Variants in KTN1 observed in about 807,000 individuals in gnomAD.
KTN1 encodes kinectin.
Under a neutral mutation model 222.5 loss-of-function variants are expected in KTN1, and 130 were observed. The observed-to-expected ratio is 0.58, with a 90% CI of 0.51 to 0.68. KTN1 has a LOEUF of 0.68. Ranked by LOEUF, KTN1 falls within the 30% of genes least tolerant of loss-of-function variation. The pLI is 0.00. For synonymous variants in KTN1, 512 were observed against 496.3 expected, an observed-to-expected ratio of 1.03 and a Z score of -0.42; for missense variants, 1,508 against 1,500.4, an observed-to-expected ratio of 1.01 and a Z score of -0.08.
At chr14:55,679,307 A>G (rs2046163824) in intron 42 of KTN1, 4 of 348,402 alleles carry the variant, frequency 1.1e-5, no homozygotes, top group Non-Finnish European at 1.0e-5. Context: ...TCTGATATTC[A>G]TAGATTCTAG....
At chr14:55,663,740 A>T in intron 32 of KTN1, 1 of 474,380 alleles carries the variant, frequency 2.1e-6, no homozygotes. Flanking sequence ...GGCCTATTTG[A>T]TATATATACT....
chr14:55,588,278 C>T (rs1048382038), intron 1 of KTN1, among the ~76,000 whole-genome samples: 1 of 152,082 alleles, frequency 6.6e-6, no homozygotes, highest in African/African-American at 2.4e-5. Flanking sequence ...TTTATTGATA[C>T]CATAAGTTTA....
rs759288485 is a variant in KTN1 at position 55,612,581 on chromosome 14, T to A, written c.523+10T>A. 1 of 1,543,498 alleles carries A rather than the reference T, an allele frequency of 6.5e-7. No individual in the cohort carries two copies. Among genetic ancestry groups the A allele is most frequent in the South Asian group, 1.3e-5 (1 of 78,210 alleles). ...TCTAAAAATGGAAGCGGTATTGTAA[T>A]CTATTTAATCTATTTAATTTTATTG... On this transcript the variant is annotated intron_variant, in intron 2 of 43. Coordinates refer to ENST00000395314, the MANE Select transcript of KTN1 (RefSeq NM_001079521.2).
At chr14:55,631,025 GA>G (rs2040442588) in intron 7 of KTN1, among the ~76,000 whole-genome samples, 1 of 152,062 alleles carries the variant, frequency 6.6e-6, no homozygotes, top group Non-Finnish European at 1.5e-5. Context: ...TCTTCTGTCA[GA>G]AGGCTCAGTT....
chr14:55,675,904 G>A lies in KTN1; in HGVS notation c.3841G>A (p.Gly1281Ser), dbSNP rs1429996270. ...ACAAAATGAAAGACAGAAGGTAGCT[G>A]GTGATTTGCATAAGGTAGGCACTGT... is the stretch of plus-strand genomic sequence containing the variant. ...TEQNERQKVAGDLHKAQQSLE... is the reference protein window; with the variant it reads ...TEQNERQKVASDLHKAQQSLE... Residue 1281 changes from glycine (G) to serine (S), a missense_variant, in exon 41 of 44, where the codon GGT (glycine) becomes AGT (serine). Physicochemically the swap from Gly to Ser is moderately conservative, Grantham distance 56. Coordinates refer to ENST00000395314, the MANE Select transcript of KTN1 (RefSeq NM_001079521.2). 5.6e-6 allele frequency: 9 copies of A among 1,612,564 alleles called. No homozygotes were observed. The highest frequency in any genetic ancestry group is 7.6e-6 in the Non-Finnish European group (9 of 1,178,708).
At chr14:55,596,162 A>C (rs974998116) in intron 1 of KTN1, among the ~76,000 whole-genome samples, 1 of 151,444 alleles carries the variant, frequency 6.6e-6, no homozygotes, top group African/African-American at 2.4e-5. Context: ...AGCAAAAAAA[A>C]AAAAAAAAAA....
At chr14:55,639,733 A>G (rs1362615767) in intron 13 of KTN1, among the ~76,000 whole-genome samples, 180 bp from the exon 14 acceptor site, 1 of 151,818 alleles carries the variant, frequency 6.6e-6, no homozygotes. Flanking sequence ...AAACAGGGTT[A>G]TGTATTTTAA....
chr14:55,595,706 C>T (rs1261711662), intron 1 of KTN1, among the ~76,000 whole-genome samples: 3 of 152,184 alleles, frequency 2.0e-5, no homozygotes, highest in Non-Finnish European at 4.4e-5. Flanking sequence ...CAGTATTCAG[C>T]CATGTTCAGG....
intron 2 of KTN1, among the ~76,000 whole-genome samples, chr14:55,615,268 T>C (rs1294070006): frequency 2.0e-5 from 3 of 152,152 alleles, no homozygotes; most frequent in African/African-American, 7.2e-5. Context: ...CACATTCTTA[T>C]ATAATCATCA....
At chr14:55,635,999 T>A (rs1393432406) in intron 9 of KTN1, among the ~76,000 whole-genome samples, 1 of 152,172 alleles carries the variant, frequency 6.6e-6, no homozygotes, top group East Asian at 1.9e-4. Context: ...TAAATGACAT[T>A]AAAGATTATA....
At position 55,633,487 on chromosome 14, in the gene KTN1, T is replaced by C. The variant is rs1260052149; in HGVS notation, c.1328+146T>C. 5.9e-6 allele frequency: 3 copies of C among 504,528 alleles called. No homozygotes were observed. In the African/African-American group the frequency reaches 6.0e-5, roughly 10 times the overall value. 31.3% of individuals were successfully genotyped at this position (504,528 alleles called of 1,614,324 possible). Reference sequence around the variant, plus strand: ...AATGAGTTACTTTTAAAAACAATTCTCTTTTGCTTTGTGAAGAACTTCTTC... The same window carrying C: ...AATGAGTTACTTTTAAAAACAATTCCCTTTTGCTTTGTGAAGAACTTCTTC... On this transcript the variant is annotated intron_variant, in intron 8 of 43. Coordinates refer to ENST00000395314, the MANE Select transcript of KTN1 (RefSeq NM_001079521.2).
intron 12 of KTN1, 107 bp downstream of exon 12, chr14:55,637,954 T>G (rs561683100): frequency 9.4e-6 from 7 of 746,774 alleles, no homozygotes; most frequent in Non-Finnish European, 1.6e-5. Flanking sequence ...GGGAGACTAG[T>G]CAATGAATCA....
chr14:55,657,028 T>C (rs1288313953), intron 29 of KTN1, among the ~76,000 whole-genome samples: 3 of 152,242 alleles, frequency 2.0e-5, no homozygotes, highest in Non-Finnish European at 4.4e-5. Context: ...TGATTTGAAG[T>C]CATAGCAAAT....
Position 55,618,147 on chromosome 14 carries a change from A to G in KTN1, c.832+13A>G. 1 of 1,594,670 alleles carries G rather than the reference A, an allele frequency of 6.3e-7. No homozygotes were observed. Among genetic ancestry groups the G allele is most frequent in the Non-Finnish European group, 8.6e-7 (1 of 1,168,570 alleles). ...GAAACTGACAAAGGTAATATATGGG[A>G]TTTATAGTCTTTGTTGTACTATAAA... is the stretch of plus-strand genomic sequence containing the variant. On this transcript the variant is annotated intron_variant, in intron 4 of 43. Coordinates refer to ENST00000395314, the MANE Select transcript of KTN1 (RefSeq NM_001079521.2).
At chr14:55,644,395 A>G in intron 18 of KTN1, 1 of 702,426 alleles carries the variant, frequency 1.4e-6, no homozygotes, top group Non-Finnish European at 2.6e-6. Context: ...TAATGGTGCC[A>G]AGTTGTTGTT....
chr14:55,648,624 C>T (rs2141087253), intron 20 of KTN1, among the ~76,000 whole-genome samples, 178 bp from the exon 21 acceptor site: 1 of 152,084 alleles, frequency 6.6e-6, no homozygotes, highest in Middle Eastern at 3.4e-3. Flanking sequence ...GTTTGGATAG[C>T]TATAGAAGTT....
chr14:55,618,056 A>G lies in KTN1; in HGVS notation c.754A>G (p.Ile252Val). 2 of 1,613,054 alleles carry G rather than the reference A, an allele frequency of 1.2e-6. No individual in the cohort carries two copies. Among genetic ancestry groups the G allele is most frequent in the Non-Finnish European group, 1.7e-6 (2 of 1,179,294 alleles). ...TCCTGTGGTAGATAAGAGAGAGGTT[A>G]TTGATTTGCTTAAACCTGACCAAGT... Reference protein sequence around the residue: ...SSPVVDKREVIDLLKPDQVEG... With the variant: ...SSPVVDKREVVDLLKPDQVEG... The change falls in exon 4 of 44, where the codon ATT becomes GTT. Residue 252 changes from isoleucine (I) to valine (V), a missense_variant. Ile to Val is a conservative substitution (Grantham distance 29, BLOSUM62 3). Coordinates refer to ENST00000395314, the MANE Select transcript of KTN1 (RefSeq NM_001079521.2).
intron 2 of KTN1, among the ~76,000 whole-genome samples, chr14:55,615,837 T>C (rs1324862390): frequency 1.3e-5 from 2 of 151,592 alleles, no homozygotes; most frequent in Admixed American, 6.6e-5. Flanking sequence ...TTCCCTTCCT[T>C]CTTTTCCTTC....
chr14:55,639,672 G>A (rs148625280), intron 13 of KTN1, among the ~76,000 whole-genome samples: 2 of 151,706 alleles, frequency 1.3e-5, no homozygotes, highest in South Asian at 2.1e-4. Flanking sequence ...CTGAAATCTG[G>A]TTTTGACATA....
Sources: gnomAD v4.1 joint callset for allele counts (sites outside exome capture counted in the v4.1 genomes callset) on GRCh38, gnomAD v4.1.1 for gene constraint, MANE v1.5 for transcripts, NCBI Gene and HGNC (gene_info 2026-07-23, HGNC 2026-07-21) for gene names.